The following COG5 variants were observed in gnomAD, a reference collection of about 807,000 sequenced individuals.
The protein encoded by COG5 is component of oligomeric golgi complex 5.
Under a neutral mutation model 110.4 loss-of-function variants are expected in COG5, and 86 were observed. That is an observed-to-expected ratio of 0.78 (90% confidence interval 0.65 to 0.93). COG5 has a LOEUF of 0.93. Ranked by LOEUF, COG5 falls within the 40% of genes least tolerant of loss-of-function variation. The pLI, the probability that COG5 is intolerant of heterozygous loss-of-function variation, is 0.00. For synonymous variants in COG5, 360 were observed against 334.6 expected (o/e 1.08, Z -0.83); for missense variants, 1,077 against 987.0 (o/e 1.09, Z -1.22).
chr7:107,361,492 A>G lies in COG5; in HGVS notation c.1026+541T>C, dbSNP rs574187515. 4.6e-5 allele frequency among the ~76,000 whole-genome samples: 7 copies of G among 152,356 alleles called. No individual in the cohort carries two copies. In the South Asian group the frequency reaches 1.2e-3, roughly 27 times the overall value. ...AATGAGAAATTAGTATATACATTAC[A>G]GAAATTAATCTATAAATAATACTAT... On this transcript the variant is annotated intron_variant, in intron 10 of 21. Coordinates refer to ENST00000297135, the MANE Select transcript of COG5 (RefSeq NM_006348.5).
At chr7:107,510,020 T>C (rs1225808017) in intron 6 of COG5, among the ~76,000 whole-genome samples, 6 of 152,156 alleles carry the variant, frequency 3.9e-5, no homozygotes, top group Admixed American at 3.9e-4. Flanking sequence ...GCTAACATCA[T>C]AATGACAAGA....
At chr7:107,541,410 T>C (rs1193922857) in intron 5 of COG5, among the ~76,000 whole-genome samples, 3 of 140,552 alleles carry the variant, frequency 2.1e-5, no homozygotes, top group East Asian at 2.1e-4. Flanking sequence ...GATGGGAGGA[T>C]AGCTTGGGCC....
intron 5 of COG5, among the ~76,000 whole-genome samples, chr7:107,536,709 T>C (rs1310941172): frequency 1.3e-5 from 2 of 152,166 alleles, no homozygotes; most frequent in African/African-American, 2.4e-5. Context: ...ATAGATTCAA[T>C]ACTATTCCCA....
chr7:107,280,039 T>C (rs1285791284), intron 14 of COG5, among the ~76,000 whole-genome samples: 2 of 152,108 alleles, frequency 1.3e-5, no homozygotes, highest in Admixed American at 1.3e-4. Context: ...TATCTTCAGA[T>C]CTTAGCATTG....
chr7:107,508,866 G>C lies in COG5; in HGVS notation c.538+18371C>G, dbSNP rs551412283. On this transcript the variant is annotated intron_variant, in intron 6 of 21. Transcript: ENST00000297135. ...CTGTTAAAAGGAAAACTACCAAACA[G>C]AAAGGACATCCACACCAAAAACCCT... Among the ~76,000 whole-genome samples, 85 of 152,182 alleles carry C rather than the reference G, an allele frequency of 5.6e-4. 1 individual carries two copies. In the East Asian group the frequency reaches 5.8e-3, roughly 10 times the overall value.
In COG5 at chr7:107,236,510, G is replaced by A. The variant is rs770919285; in HGVS notation, c.2031C>T (p.Ala677=). The A allele has an allele frequency of 6.2e-7, 1 of 1,614,154 alleles. No individual in the cohort carries two copies. Among genetic ancestry groups the A allele is most frequent in the South Asian group, 1.1e-5 (1 of 91,076 alleles). ...QRAVELFIRH[A]SLIRPLGEGG... is the part of the protein sequence containing the mutation. ...CTTCACCAAGAGGTCTTATGAGACT[G>A]GCATGGCGGATAAAAAGTTCAACAG... The change falls in exon 18 of 22, where the codon GCC becomes GCT. Residue 677 remains alanine (A), a synonymous_variant. Coordinates refer to ENST00000297135, the MANE Select transcript of COG5 (RefSeq NM_006348.5).
chr7:107,328,479 T>C (rs533296904), intron 10 of COG5, among the ~76,000 whole-genome samples: 1 of 152,312 alleles, frequency 6.6e-6, no homozygotes, highest in African/African-American at 2.4e-5. Flanking sequence ...ACAATATGAA[T>C]GAACCTTGAA....
intron 14 of COG5, among the ~76,000 whole-genome samples, chr7:107,270,525 T>A (rs1198796203): frequency 2.6e-5 from 4 of 152,126 alleles, no homozygotes; most frequent in African/African-American, 4.8e-5. Flanking sequence ...CCTCTCACAG[T>A]GCTGGGATTA....
At chr7:107,405,116 G>A (rs1791734537) in intron 7 of COG5, among the ~76,000 whole-genome samples, 1 of 152,094 alleles carries the variant, frequency 6.6e-6, no homozygotes, top group Non-Finnish European at 1.5e-5. Context: ...GGGGAAGCAG[G>A]AGCTCCAGAT....
chr7:107,551,482 G>C (rs965839363), intron 3 of COG5, among the ~76,000 whole-genome samples: 4 of 152,178 alleles, frequency 2.6e-5, no homozygotes, highest in African/African-American at 9.6e-5. Flanking sequence ...GAATAAAGCA[G>C]ATGAAGTAGA....
chr7:107,457,347 T>A, intron 6 of COG5, among the ~76,000 whole-genome samples: 2 of 142,210 alleles, frequency 1.4e-5, no homozygotes, highest in Non-Finnish European at 3.1e-5. Flanking sequence ...CCCAAACAAA[T>A]TAAAGCTATG....
At chr7:107,466,489 T>C (rs1425606146) in intron 6 of COG5, among the ~76,000 whole-genome samples, 3 of 152,224 alleles carry the variant, frequency 2.0e-5, no homozygotes, top group Admixed American at 6.5e-5. Flanking sequence ...TTGGATTTTC[T>C]ATCTGTTAAG....
At chr7:107,429,052 T>TA (rs1221776591) in intron 6 of COG5, among the ~76,000 whole-genome samples, 1 of 152,108 alleles carries the variant, frequency 6.6e-6, no homozygotes, top group Non-Finnish European at 1.5e-5. Context: ...GTCTGCTGTT[T>TA]AAAAAAAGCC....
intron 13 of COG5, among the ~76,000 whole-genome samples, chr7:107,282,624 C>T (rs574080704): frequency 3.0e-4 from 46 of 152,246 alleles, no homozygotes; most frequent in Non-Finnish European, 4.0e-4. Context: ...CGGATTCAAG[C>T]GATTCTGATG....
At chr7:107,487,060 T>C (rs1797695919) in intron 6 of COG5, among the ~76,000 whole-genome samples, 1 of 152,142 alleles carries the variant, frequency 6.6e-6, no homozygotes, top group Non-Finnish European at 1.5e-5. Context: ...ACCAAATAAA[T>C]CCATTATTAA....
chr7:107,417,124 T>C (rs1792905742), intron 6 of COG5, among the ~76,000 whole-genome samples: 1 of 152,196 alleles, frequency 6.6e-6, no homozygotes, highest in Non-Finnish European at 1.5e-5. Context: ...TCTGGGCAGC[T>C]GGCGACAGTC....
chr7:107,452,519 GA>G (rs1381551247), intron 6 of COG5, among the ~76,000 whole-genome samples: 2 of 152,136 alleles, frequency 1.3e-5, no homozygotes, highest in African/African-American at 4.8e-5. Context: ...TCTTGATAGT[GA>G]ATAAGTCTCA....
intron 10 of COG5, among the ~76,000 whole-genome samples, chr7:107,344,386 T>C (rs1811423662): frequency 6.6e-6 from 1 of 152,208 alleles, no homozygotes. Flanking sequence ...CTTCGTCACC[T>C]ACCTCAGCCT....
chr7:107,303,426 T>C (rs374017392), intron 11 of COG5, among the ~76,000 whole-genome samples: 3 of 152,172 alleles, frequency 2.0e-5, no homozygotes, highest in Non-Finnish European at 1.5e-5. Context: ...GTTTTTTTGT[T>C]TGTTTGTTTT....
Sources: gnomAD v4.1 joint callset for allele counts (sites outside exome capture counted in the v4.1 genomes callset) on GRCh38, gnomAD v4.1.1 for gene constraint, MANE v1.5 for transcripts, NCBI Gene and HGNC (gene_info 2026-07-23, HGNC 2026-07-21) for gene names.